The following NCKAP5 variants were observed in gnomAD, a reference collection of about 807,000 sequenced individuals.
NCKAP5 encodes the protein NCK associated protein 5.
A neutral mutation model predicts 167.0 loss-of-function variants in NCKAP5; 92 were observed. That is an observed-to-expected ratio of 0.55 (90% CI 0.47 to 0.66). The LOEUF (loss-of-function observed/expected upper bound fraction) is 0.66, where lower values mean the gene tolerates loss of function less well. Among genes scored for constraint, NCKAP5 ranks in the 30% least tolerant of loss-of-function variants. NCKAP5 has a pLI of 0.00. For missense variants in NCKAP5, 2,378 were observed against 2,315.0 expected, an observed-to-expected ratio of 1.03 and a Z score of -0.56; for synonymous variants, 891 against 877.4, an observed-to-expected ratio of 1.02 and a Z score of -0.27.
At chr2:133,531,457 T>C (rs1351668044) in intron 2 of NCKAP5, among the ~76,000 whole-genome samples, 1 of 151,986 alleles carries the variant, frequency 6.6e-6, no homozygotes, top group African/African-American at 2.4e-5. Flanking sequence ...AACTTTAAAC[T>C]TCTGCTTAGG....
the NCKAP5 span, among the ~76,000 whole-genome samples, chr2:133,580,641 G>A: frequency 1.0e-3 from 153 of 152,226 alleles, 4 homozygotes; most frequent in Non-Finnish European, 4.3e-4. Context: ...AAATCAGCAT[G>A]GTTTATTCCC....
intron 11 of NCKAP5, among the ~76,000 whole-genome samples, chr2:132,841,684 A>C (rs1688307563): frequency 6.6e-6 from 1 of 151,974 alleles, no homozygotes; most frequent in African/African-American, 2.4e-5. Flanking sequence ...ATTGGTTTCC[A>C]TCTATTCTGT....
At chr2:133,092,064 T>C (rs11901018) in intron 6 of NCKAP5, among the ~76,000 whole-genome samples, 51,561 of 152,024 alleles carry the variant, frequency 0.34, 9,812 homozygotes, top group East Asian at 0.59. Context: ...TGTTTGAACA[T>C]GATCAGTTCA....
the NCKAP5 span, among the ~76,000 whole-genome samples, chr2:133,647,107 G>C: frequency 5.5e-3 from 844 of 152,108 alleles, 11 homozygotes; most frequent in African/African-American, 0.02. Flanking sequence ...GGAGGCCAAG[G>C]CAAGAGGATT....
At chr2:133,252,298 C>G (rs907348491) in intron 4 of NCKAP5, among the ~76,000 whole-genome samples, 3 of 152,152 alleles carry the variant, frequency 2.0e-5, no homozygotes, top group Non-Finnish European at 2.9e-5. Context: ...CCCAGAGGCC[C>G]TTAAATGGAA....
At chr2:133,294,654 C>T (rs547003011) in intron 4 of NCKAP5, among the ~76,000 whole-genome samples, 1 of 152,164 alleles carries the variant, frequency 6.6e-6, no homozygotes, top group Non-Finnish European at 1.5e-5. Flanking sequence ...TTATGGAGAA[C>T]ATGAATGAGC....
At chr2:132,803,510 C>A (rs1685195994) in intron 11 of NCKAP5, among the ~76,000 whole-genome samples, 2 of 152,336 alleles carry the variant, frequency 1.3e-5, no homozygotes, top group East Asian at 3.9e-4. Flanking sequence ...ACTTCCATGA[C>A]AGCCTGATTA....
chr2:133,348,674 C>G (rs1425299111), intron 3 of NCKAP5, among the ~76,000 whole-genome samples: 1 of 152,060 alleles, frequency 6.6e-6, no homozygotes, highest in Non-Finnish European at 1.5e-5. Flanking sequence ...AATAAAAAAT[C>G]TTTTTCTCTT....
At chr2:133,580,447 T>G in the NCKAP5 span, among the ~76,000 whole-genome samples, 1 of 152,150 alleles carries the variant, frequency 6.6e-6, no homozygotes, top group African/African-American at 2.4e-5. Flanking sequence ...AGCTATTTTC[T>G]CTTTTACCAT....
intron 6 of NCKAP5, among the ~76,000 whole-genome samples, chr2:133,010,075 A>T (rs148245624): frequency 0.04 from 5,060 of 127,468 alleles, 230 homozygotes; most frequent in African/African-American, 0.12. Flanking sequence ...TGTCTCAAAA[A>T]AAAAAAATAA....
intron 3 of NCKAP5, among the ~76,000 whole-genome samples, chr2:133,320,621 G>A (rs530353439): frequency 1.1e-4 from 16 of 152,164 alleles, no homozygotes; most frequent in Admixed American, 3.3e-4. Flanking sequence ...CCAGCTACTC[G>A]GGAGGCTGAG....
intron 3 of NCKAP5, among the ~76,000 whole-genome samples, chr2:133,355,553 T>C (rs1397036525): frequency 6.6e-6 from 1 of 152,204 alleles, no homozygotes; most frequent in African/African-American, 2.4e-5. Context: ...CTGAGTTTCA[T>C]TTTTAGTCAA....
intron 3 of NCKAP5, among the ~76,000 whole-genome samples, chr2:133,398,121 A>G (rs1687870971): frequency 6.6e-6 from 1 of 152,132 alleles, no homozygotes; most frequent in Non-Finnish European, 1.5e-5. Flanking sequence ...TGGTGCTACT[A>G]GATAAGATCA....
At chr2:132,803,568 T>C (rs1383063251) in intron 11 of NCKAP5, among the ~76,000 whole-genome samples, 1 of 152,204 alleles carries the variant, frequency 6.6e-6, no homozygotes, top group Non-Finnish European at 1.5e-5. Context: ...GATTAGAAAG[T>C]TTATTCGTGG....
the NCKAP5 span, among the ~76,000 whole-genome samples, chr2:133,602,914 G>A: frequency 2.6e-5 from 4 of 152,198 alleles, no homozygotes; most frequent in African/African-American, 9.7e-5. Flanking sequence ...AATAATGGGA[G>A]TTGAGGATGA....
Position 133,062,156 on chromosome 2 carries a change from T to C in NCKAP5, c.341+67822A>G, listed in dbSNP as rs557739661. Among the ~76,000 whole-genome samples the C allele has an allele frequency of 4.6e-5, 7 of 152,338 alleles. No individual in the cohort carries two copies. The South Asian group carries it at 1.4e-3, about 32-fold the overall frequency. ...CTGTAAGGAATTATAATGGACATGG[T>C]AAAACCTTTAAAACAAATTAAATGT... On this transcript the variant is annotated intron_variant, in intron 6 of 19. Transcript: ENST00000409261.
At chr2:133,001,161 T>C (rs969447997) in intron 6 of NCKAP5, among the ~76,000 whole-genome samples, 14 of 151,936 alleles carry the variant, frequency 9.2e-5, no homozygotes, top group Non-Finnish European at 1.9e-4. Context: ...TAAACACATA[T>C]GGAACTCCAG....
At chr2:133,341,104 C>G (rs186304168) in intron 3 of NCKAP5, among the ~76,000 whole-genome samples, 1 of 152,144 alleles carries the variant, frequency 6.6e-6, no homozygotes, top group East Asian at 1.9e-4. Flanking sequence ...TCACTAAGAC[C>G]ATTAGATCAA....
intron 3 of NCKAP5, among the ~76,000 whole-genome samples, chr2:133,435,227 CAGG>C (rs758629824): frequency 4.6e-5 from 7 of 152,262 alleles, no homozygotes; most frequent in African/African-American, 7.2e-5. Flanking sequence ...ATGTAATGCT[CAGG>C]AGGTGATTTA....
Sources: gnomAD v4.1 joint callset for allele counts (sites outside exome capture counted in the v4.1 genomes callset) on GRCh38, gnomAD v4.1.1 for gene constraint, MANE v1.5 for transcripts, NCBI Gene and HGNC (gene_info 2026-07-23, HGNC 2026-07-21) for gene names.